NLGN1: variants seen among roughly 807,000 people sequenced by gnomAD.
NLGN1 encodes the protein neuroligin 1.
A neutral mutation model predicts 65.5 loss-of-function variants in NLGN1; 12 were observed. The ratio of observed to expected loss-of-function variants is 0.18; its 90% CI spans 0.12 to 0.30. NLGN1 has a LOEUF of 0.30. NLGN1 is among the 10% of genes least tolerant of loss of function. The probability of loss-of-function intolerance (pLI) is 1.00; values close to 1 mark genes in which losing one functional copy is unlikely to be tolerated. For missense variants in NLGN1, 750 were observed against 1,007.1 expected (o/e 0.74, Z 3.46); for synonymous variants, 350 against 359.5 (o/e 0.97, Z 0.30).
intron 4 of NLGN1, among the ~76,000 whole-genome samples, chr3:174,128,284 G>A (rs1304156180): frequency 1.3e-5 from 2 of 151,930 alleles, no homozygotes; most frequent in African/African-American, 2.4e-5. Flanking sequence ...ATTTTTAAGA[G>A]GTAATTCATT....
At chr3:174,150,190 A>G (rs1293090553) in intron 4 of NLGN1, among the ~76,000 whole-genome samples, 1 of 152,176 alleles carries the variant, frequency 6.6e-6, no homozygotes, top group Non-Finnish European at 1.5e-5. Context: ...AAAATATCAG[A>G]AATATGACCA....
At chr3:174,159,651 C>T (rs2152717929) in intron 4 of NLGN1, among the ~76,000 whole-genome samples, 1 of 151,702 alleles carries the variant, frequency 6.6e-6, no homozygotes, top group Non-Finnish European at 1.5e-5. Context: ...CTGAGACAAG[C>T]AGCAAGGGAC....
At chr3:174,274,113 G>A (rs1750042570) in intron 4 of NLGN1, among the ~76,000 whole-genome samples, 1 of 151,608 alleles carries the variant, frequency 6.6e-6, no homozygotes, top group African/African-American at 2.4e-5. Flanking sequence ...CTATAAACTT[G>A]TTGAAATTGG....
At chr3:173,635,467 T>C (rs1294016352) in intron 3 of NLGN1, among the ~76,000 whole-genome samples, 1 of 152,188 alleles carries the variant, frequency 6.6e-6, no homozygotes, top group African/African-American at 2.4e-5. Context: ...CTGTTTTGTA[T>C]TGAAGGTCTA....
chr3:174,196,016 C>CACAG (rs372648005), intron 4 of NLGN1, among the ~76,000 whole-genome samples: 2 of 152,198 alleles, frequency 1.3e-5, no homozygotes, highest in African/African-American at 4.8e-5. Context: ...GCAGGAGGGG[C>CACAG]ACAGATTTAA....
At chr3:173,408,642 G>A (rs1282957797) in intron 1 of NLGN1, among the ~76,000 whole-genome samples, 2 of 152,244 alleles carry the variant, frequency 1.3e-5, no homozygotes, top group Non-Finnish European at 1.5e-5. Context: ...GCCGGGCGCA[G>A]TGGCTCACGC....
intron 3 of NLGN1, among the ~76,000 whole-genome samples, chr3:173,611,652 T>C (rs1043290287): frequency 6.6e-6 from 1 of 152,010 alleles, no homozygotes; most frequent in Non-Finnish European, 1.5e-5. Context: ...ACAGTGTAAG[T>C]TGGGACTCTG....
intron 2 of NLGN1, among the ~76,000 whole-genome samples, chr3:173,555,344 A>G (rs1203522881): frequency 6.6e-6 from 1 of 152,228 alleles, no homozygotes; most frequent in East Asian, 1.9e-4. Flanking sequence ...AACTTTACCA[A>G]TGGAATCTTT....
chr3:173,493,624 A>G (rs1218649745), intron 2 of NLGN1, among the ~76,000 whole-genome samples: 1 of 151,856 alleles, frequency 6.6e-6, no homozygotes, highest in Non-Finnish European at 1.5e-5. Context: ...AACACATGGA[A>G]ATAGTACTGT....
chr3:174,240,932 C>T lies in NLGN1; in HGVS notation c.647-34383C>T, dbSNP rs568613706. Among the ~76,000 whole-genome samples the T allele has an allele frequency of 2.2e-4, 33 of 152,254 alleles. 1 individual carries two copies. The South Asian group carries it at 6.4e-3, about 30-fold the overall frequency. On this transcript the variant is annotated intron_variant, in intron 4 of 6. Transcript: ENST00000457714. ...TTCCTCTGCTGTTTCTTTTCTGCTT[C>T]CACATTTCCACCAATTTCCAAAATC...
At chr3:174,220,892 T>A (rs921693016) in intron 4 of NLGN1, among the ~76,000 whole-genome samples, 12 of 152,146 alleles carry the variant, frequency 7.9e-5, no homozygotes, top group Non-Finnish European at 1.5e-4. Context: ...CAAAAGGAAT[T>A]CTATGGCAGT....
At chr3:174,020,089 A>T (rs1176080299) in intron 4 of NLGN1, among the ~76,000 whole-genome samples, 1 of 152,140 alleles carries the variant, frequency 6.6e-6, no homozygotes, top group Non-Finnish European at 1.5e-5. Context: ...AAAATTTTTT[A>T]AAAAGATAAA....
At chr3:173,663,726 A>G (rs1166823235) in intron 3 of NLGN1, among the ~76,000 whole-genome samples, 3 of 151,974 alleles carry the variant, frequency 2.0e-5, no homozygotes, top group East Asian at 1.9e-4. Context: ...TAAACATTCC[A>G]TCTTTTCTGC....
At chr3:173,863,143 A>T (rs947333960) in intron 4 of NLGN1, among the ~76,000 whole-genome samples, 1 of 152,274 alleles carries the variant, frequency 6.6e-6, no homozygotes, top group Non-Finnish European at 1.5e-5. Flanking sequence ...ATAAAAAAAA[A>T]AAAACTTTCT....
chr3:173,688,606 C>T (rs1470609624), intron 3 of NLGN1, among the ~76,000 whole-genome samples: 5 of 152,160 alleles, frequency 3.3e-5, no homozygotes, highest in African/African-American at 1.2e-4. Flanking sequence ...ACACTAAACA[C>T]ATGGCAGACA....
chr3:174,024,774 G>T (rs1728521268), intron 4 of NLGN1, among the ~76,000 whole-genome samples: 1 of 152,142 alleles, frequency 6.6e-6, no homozygotes, highest in South Asian at 2.1e-4. Flanking sequence ...TCTTTTATCT[G>T]CTCATTGACA....
intron 4 of NLGN1, among the ~76,000 whole-genome samples, chr3:174,269,745 A>C (rs941209813): frequency 6.6e-6 from 1 of 151,864 alleles, no homozygotes; most frequent in African/African-American, 2.4e-5. Context: ...CCTATGTTTA[A>C]TTTTTTGAGG....
chr3:174,141,883 A>T (rs1722351317), intron 4 of NLGN1, among the ~76,000 whole-genome samples: 1 of 152,256 alleles, frequency 6.6e-6, no homozygotes. Flanking sequence ...AATGTTAAAC[A>T]CATGAAAAAT....
At chr3:173,650,368 G>A (rs1758968846) in intron 3 of NLGN1, among the ~76,000 whole-genome samples, 1 of 152,110 alleles carries the variant, frequency 6.6e-6, no homozygotes, top group Admixed American at 6.6e-5. Context: ...AATAGATATA[G>A]GAAGTTTATT....
Sources: allele counts gnomAD v4.1 joint callset (sites outside exome capture counted in the v4.1 genomes callset), GRCh38; gene constraint gnomAD v4.1.1; transcripts MANE v1.5; gene names NCBI Gene and HGNC (gene_info 2026-07-23, HGNC 2026-07-21).